LRP5: variants seen among roughly 807,000 people sequenced by gnomAD.
LRP5 encodes low-density lipoprotein receptor-related protein 5.
In LRP5, 62 loss-of-function variants were observed where a neutral mutation model predicts 154.1. The observed-to-expected ratio is 0.40, with a 90% CI of 0.33 to 0.50. LRP5 has a LOEUF of 0.50. Ranked by LOEUF, LRP5 falls within the 20% of genes least tolerant of loss-of-function variation. The pLI is 0.55. For missense variants in LRP5, 1,915 were observed against 2,336.7 expected (o/e 0.82, Z 3.72); for synonymous variants, 966 against 1,011.5 (o/e 0.96, Z 0.85).
Position 68,413,959 on chromosome 11 carries a change from G to A in LRP5, c.2774G>A (p.Arg925His), listed in dbSNP as rs373466030. The change falls in exon 12 of 23, where the codon CGC (arginine) becomes CAC (histidine). Residue 925 changes from arginine (R) to histidine (H), a missense_variant. This residue lies in a region of LRP5 where 1,094 missense variants were observed against 1,210.1 expected (regional missense o/e 0.90). Transcript: ENST00000294304. This position sits in a 1 kb window ranked among gnomAD's most constrained non-coding sequence, Gnocchi z 5.1. ...QLCLAIPGGH[R>H]CGCASHYTLD... ...TGCCTTGCCATCCCCGGCGGCCACCGCTGCGGCTGCGCCTCACACTACACC... is the reference window on the plus strand; with the variant it reads ...TGCCTTGCCATCCCCGGCGGCCACCACTGCGGCTGCGCCTCACACTACACC... 41 of 1,607,416 alleles carry A rather than the reference G, an allele frequency of 2.6e-5. No homozygotes were observed. The highest frequency in any genetic ancestry group is 4.0e-5 in the African/African-American group (3 of 74,914).
At chr11:68,384,147 T>C (rs1483571315) in intron 5 of LRP5, among the ~76,000 whole-genome samples, 1 of 152,100 alleles carries the variant, frequency 6.6e-6, no homozygotes, top group East Asian at 1.9e-4. Flanking sequence ...GATTATGCAC[T>C]CCGGGGCTTG....
At chr11:68,364,926 A>AC (rs35158827) in intron 4 of LRP5, among the ~76,000 whole-genome samples, 71,018 of 151,938 alleles carry the variant, frequency 0.47, 18,663 homozygotes, top group African/African-American at 0.69. Flanking sequence ...GGGCTGCTAC[A>AC]CCCAGCTTTC....
Position 68,363,784 on chromosome 11 carries a change from G to A in LRP5, c.724G>A (p.Ala242Thr), listed in dbSNP as rs121908670. ...GGAGGGCAGCCTGACGCACCCCTTC[G>A]CCCTGACGCTCTCCGGGGACACTCT... is the stretch of plus-strand genomic sequence containing the variant. ...VVEGSLTHPF[A>T]LTLSGDTLYW... The change falls in exon 4 of 23, where the codon GCC becomes ACC. Residue 242 changes from alanine (A) to threonine (T), a missense_variant. This residue lies in a region of LRP5 where 773 missense variants were observed against 1,100.9 expected (regional missense o/e 0.70). Coordinates refer to ENST00000294304, the MANE Select transcript of LRP5 (RefSeq NM_002335.4). 6.2e-7 allele frequency: 1 copy of A among 1,612,976 alleles called. No individual in the cohort carries two copies. The highest frequency in any genetic ancestry group is 8.5e-7 in the Non-Finnish European group (1 of 1,179,878).
the LRP5 span, among the ~76,000 whole-genome samples, chr11:68,303,787 G>A: frequency 2.8e-4 from 43 of 152,278 alleles, no homozygotes; most frequent in South Asian, 3.9e-3. Context: ...GCCACCAAGC[G>A]TGGCCATAAA....
At chr11:68,412,555 G>C (rs752589316) in intron 11 of LRP5, among the ~76,000 whole-genome samples, 44 of 151,950 alleles carry the variant, frequency 2.9e-4, no homozygotes, top group Non-Finnish European at 5.3e-4. Context: ...TCAGGTGGGA[G>C]GATTGCTTGA....
In LRP5 at chr11:68,386,482, G is replaced by A. The variant is rs746800397; in HGVS notation, c.1182G>A (p.Val394=). The A allele has an allele frequency of 1.4e-5, 23 of 1,613,988 alleles. No homozygotes were observed. Among genetic ancestry groups the A allele is most frequent in the Non-Finnish European group, 1.8e-5 (21 of 1,180,038 alleles). Reference sequence around the variant, plus strand: ...ATGTCTACTGGACAGATGACGAGGTGCGGGCCATCCGCAGGGCGTACCTGG... The same window carrying A: ...ATGTCTACTGGACAGATGACGAGGTACGGGCCATCCGCAGGGCGTACCTGG... ...EGYVYWTDDE[V]RAIRRAYLDG... Residue 394 remains valine, a synonymous_variant, in exon 6 of 23, where the codon GTG becomes GTA. Transcript: ENST00000294304. The surrounding 1 kb of genome is among the most constrained non-coding windows in gnomAD (Gnocchi z 7.9).
At chr11:68,334,779 T>G (rs984630448) in intron 1 of LRP5, among the ~76,000 whole-genome samples, 1 of 151,992 alleles carries the variant, frequency 6.6e-6, no homozygotes, top group African/African-American at 2.4e-5. Flanking sequence ...AGGCTGAGAA[T>G]CACTTGAACC....
Position 68,423,799 on chromosome 11 carries a change from C to T in LRP5, c.3236+102C>T. Reference sequence around the variant, plus strand: ...TCACAGGCTGGGGAGACTTTCCACCCTGGGGATCCAATGGGTGGCTTTCCA... The same window carrying T: ...TCACAGGCTGGGGAGACTTTCCACCTTGGGGATCCAATGGGTGGCTTTCCA... On this transcript the variant is annotated intron_variant, in intron 14 of 22. Transcript: ENST00000294304. The surrounding 1 kb of genome is among the most constrained non-coding windows in gnomAD (Gnocchi z 4.7). The T allele has an allele frequency of 1.7e-6, 2 of 1,184,546 alleles. No individual in the cohort carries two copies. Among genetic ancestry groups the T allele is most frequent in the South Asian group, 2.8e-5 (2 of 72,314 alleles). 73.4% of individuals were successfully genotyped at this position (1,184,546 alleles called of 1,614,324 possible).
intron 1 of LRP5, among the ~76,000 whole-genome samples, chr11:68,343,460 G>C (rs548612452): frequency 1.3e-5 from 2 of 152,282 alleles, no homozygotes; most frequent in East Asian, 3.9e-4. Flanking sequence ...ATTTCAGCCT[G>C]GGTGGATCAC....
At chr11:68,354,657 G>A (rs1242340884) in intron 2 of LRP5, among the ~76,000 whole-genome samples, 8 of 152,348 alleles carry the variant, frequency 5.3e-5, no homozygotes, top group East Asian at 3.9e-4. Context: ...ACCCACACCC[G>A]GGCTTTGCTG....
chr11:68,361,623 C>T (rs774049637), intron 3 of LRP5, among the ~76,000 whole-genome samples: 2 of 151,800 alleles, frequency 1.3e-5, no homozygotes, highest in Admixed American at 6.6e-5. Flanking sequence ...GGCGACAGAG[C>T]GAGACTCTGT....
intron 1 of LRP5, among the ~76,000 whole-genome samples, chr11:68,328,375 G>A (rs576202038): frequency 2.5e-4 from 38 of 152,362 alleles, no homozygotes; most frequent in African/African-American, 8.9e-4. Context: ...ACAAAGGTAT[G>A]TTTGTTTCTG....
At chr11:68,448,687 G>C (rs892198513) in intron 22 of LRP5, 122 bp from the exon 23 acceptor site, 4 of 1,278,090 alleles carry the variant, frequency 3.1e-6, no homozygotes, top group African/African-American at 1.5e-5. Flanking sequence ...TCCAGAGTCC[G>C]GCCTGCATCT....
intron 1 of LRP5, among the ~76,000 whole-genome samples, chr11:68,331,395 C>T (rs2098602655): frequency 6.6e-6 from 1 of 152,214 alleles, no homozygotes; most frequent in African/African-American, 2.4e-5. Flanking sequence ...GGGGCCAGGC[C>T]CTGCCCGGGA....
At chr11:68,404,257 G>T (rs2098654277) in intron 8 of LRP5, 1 of 523,432 alleles carries the variant, frequency 1.9e-6, no homozygotes. Flanking sequence ...CAGCATCCAG[G>T]TGCGGCAGGG....
At chr11:68,425,399 C>G (rs998582717) in intron 15 of LRP5, 107 bp downstream of exon 15, 6 of 1,185,102 alleles carry the variant, frequency 5.1e-6, no homozygotes, top group African/African-American at 3.0e-5. Context: ...AGTGCCGCGC[C>G]AGGGGCTTTG....
At chr11:68,308,250 C>T (rs376086071), upstream of LRP5, among the ~76,000 whole-genome samples, 2 of 152,192 alleles carry the variant, frequency 1.3e-5, no homozygotes, top group East Asian at 1.9e-4. Context: ...TCAGTCCTGC[C>T]GGGTTGGGGG....
chr11:68,315,703 C>T (rs1355125728), intron 1 of LRP5, among the ~76,000 whole-genome samples: 1 of 152,252 alleles, frequency 6.6e-6, no homozygotes, highest in African/African-American at 2.4e-5. Flanking sequence ...GGCAGAGCTT[C>T]CCATGTAGAG....
chr11:68,300,992 C>T, the LRP5 span, among the ~76,000 whole-genome samples: 164 of 148,142 alleles, frequency 1.1e-3, 6 homozygotes, highest in East Asian at 5.8e-4. Context: ...TGCAATGACG[C>T]GATCTCGGCT....
Sources: gnomAD v4.1 joint callset for allele counts (sites outside exome capture counted in the v4.1 genomes callset) on GRCh38, gnomAD v4.1.1 for gene constraint, gnomAD v4.1.1 regional missense constraint, Gnocchi (gnomAD v3.1) non-coding constraint, MANE v1.5 for transcripts, NCBI Gene and HGNC (gene_info 2026-07-23, HGNC 2026-07-21) for gene names.